RNF213: variants seen among roughly 807,000 people sequenced by gnomAD.
RNF213 encodes ring finger protein 213, also known as E3 ubiquitin-protein ligase RNF213.
In RNF213, 341 loss-of-function variants were observed where a neutral mutation model predicts 514.4. That is an observed-to-expected ratio of 0.66 (90% CI 0.61 to 0.73). The LOEUF (loss-of-function observed/expected upper bound fraction) is 0.73, where lower values mean the gene tolerates loss of function less well. RNF213 is among the 30% of genes least tolerant of loss of function. The probability of loss-of-function intolerance (pLI) is 0.00; values close to 1 mark genes in which losing one functional copy is unlikely to be tolerated. For synonymous variants in RNF213, 2,655 were observed against 2,658.2 expected, an observed-to-expected ratio of 1.00 and a Z score of 0.04; for missense variants, 5,767 against 6,615.6, an observed-to-expected ratio of 0.87 and a Z score of 4.45.
In RNF213 at chr17:80,381,574, G is replaced by A. The variant is rs751523732; in HGVS notation, c.13825G>A (p.Val4609Met). ...QALINIIKPP[V>M]RDPKGFLQQH... ...TCTGATAAACATCATTAAGCCTCCA[G>A]TGAGGGATCCAAAAGGCTTTCTGCA... The change falls in exon 57 of 68, where the codon GTG (valine) becomes ATG (methionine). Residue 4609 changes from valine to methionine, a missense_variant. Val to Met is a conservative substitution (Grantham distance 21). Coordinates refer to ENST00000582970, the MANE Select transcript of RNF213 (RefSeq NM_001256071.3). 19 of 1,614,228 alleles carry A rather than the reference G, an allele frequency of 1.2e-5. No homozygotes were observed. In the South Asian group the frequency reaches 2.0e-4, roughly 17 times the overall value.
intron 11 of RNF213, 177 bp downstream of exon 11, chr17:80,298,695 T>C: frequency 1.4e-6 from 1 of 706,000 alleles, no homozygotes; most frequent in Non-Finnish European, 2.4e-6. Context: ...CTGTGCACAG[T>C]GGCTCACGCC....
intron 26 of RNF213, among the ~76,000 whole-genome samples, chr17:80,342,743 ATTG>A (rs2078195683): frequency 6.9e-6 from 1 of 145,524 alleles, no homozygotes; most frequent in African/African-American, 2.5e-5. Context: ...TTATATATAT[ATTG>A]TATGTATATA....
In RNF213 at chr17:80,343,828, G is replaced by A; in HGVS notation, c.6184-29G>A. 6.2e-7 allele frequency: 1 copy of A among 1,613,818 alleles called. No individual in the cohort carries two copies. The highest frequency in any genetic ancestry group is 8.5e-7 in the Non-Finnish European group (1 of 1,179,802). On this transcript the variant is annotated intron_variant, in intron 27 of 67. Coordinates refer to ENST00000582970, the MANE Select transcript of RNF213 (RefSeq NM_001256071.3). This position sits in a 1 kb window ranked among gnomAD's most constrained non-coding sequence, Gnocchi z 4.3. ...GGGAGAACTCGCCATCGTGTCGTGTGTTTACACCTCGTGCGATTCTGTTCT... is the reference window on the plus strand; with the variant it reads ...GGGAGAACTCGCCATCGTGTCGTGTATTTACACCTCGTGCGATTCTGTTCT...
At chr17:80,269,185 A>G (rs76287106) in intron 2 of RNF213, among the ~76,000 whole-genome samples, 2,887 of 152,204 alleles carry the variant, frequency 0.019, 57 homozygotes, top group East Asian at 0.11. Context: ...CCACCCACAT[A>G]GAGGGTGGGT....
chr17:80,385,667 C>T (rs756838073), intron 61 of RNF213, 46 bp downstream of exon 61: 12 of 1,511,092 alleles, frequency 7.9e-6, no homozygotes, highest in East Asian at 4.5e-5. Flanking sequence ...AGGAGAGCCT[C>T]GTCTGAAAGC....
At chr17:80,261,332 C>T (rs2043410615) in intron 1 of RNF213, among the ~76,000 whole-genome samples, 1 of 152,218 alleles carries the variant, frequency 6.6e-6, no homozygotes, top group South Asian at 2.1e-4. Flanking sequence ...AGTGAAGTTG[C>T]AAAAACAGAC....
intron 67 of RNF213, 95 bp downstream of exon 67, chr17:80,390,291 C>T (rs2080412648): frequency 2.2e-6 from 3 of 1,376,074 alleles, no homozygotes; most frequent in Admixed American, 3.6e-5. Flanking sequence ...CTTTTCTTAC[C>T]ACAGAATCCC....
In RNF213 at chr17:80,346,198, C is replaced by T. The variant is rs758464578; in HGVS notation, c.7863C>T (p.Ala2621=). 6 of 1,614,204 alleles carry T rather than the reference C, an allele frequency of 3.7e-6. No homozygotes were observed. The Admixed American group carries it at 5.0e-5, about 13-fold the overall frequency. The change falls in exon 29 of 68, where the codon GCC becomes GCT. Residue 2621 remains alanine, a synonymous_variant. Coordinates refer to ENST00000582970, the MANE Select transcript of RNF213 (RefSeq NM_001256071.3). The surrounding 1 kb of genome is among the most constrained non-coding windows in gnomAD (Gnocchi z 8.1). ...GCGTGATCACAGAAGTCCTCTGCGC[C>T]TCTCAGGGTTTCATGAGGAAAACAG... The part of the protein sequence containing the change: ...GTRVITEVLC[A]SQGFMRKTED...
intron 2 of RNF213, 37 bp from the exon 3 acceptor site, chr17:80,273,200 TTCTC>T: frequency 6.2e-7 from 1 of 1,612,034 alleles, no homozygotes; most frequent in Non-Finnish European, 8.5e-7. Flanking sequence ...TAACACTCGC[TTCTC>T]TCTGAGATCT....
rs143394069 is a variant in RNF213, at chr17:80,343,984, C to G, written c.6311C>G (p.Thr2104Arg). The change falls in exon 28 of 68, where the codon ACG becomes AGG. Residue 2104 changes from threonine to arginine, a missense_variant. This residue lies in a region of RNF213 where 1,377 missense variants were observed against 1,635.2 expected (regional missense o/e 0.84). Transcript: ENST00000582970. This position sits in a 1 kb window ranked among gnomAD's most constrained non-coding sequence, Gnocchi z 4.3. The stretch of plus-strand genomic sequence containing the variant: ...ATCGTTGAAATCCTGGAAAGGAGGA[C>G]GTCAGTGCCGTCGAGGAGCTCTTCA... ...LYIVEILERR[T>R]SVPSRSSSAL... 2.3e-4 allele frequency: 376 copies of G among 1,614,192 alleles called. 1 individual carries two copies. The highest frequency in any genetic ancestry group is 1.4e-4 in the Non-Finnish European group (168 of 1,180,042).
chr17:80,388,457 TGG>T, intron 63 of RNF213, 153 bp from the exon 64 acceptor site: 1 of 687,826 alleles, frequency 1.5e-6, no homozygotes, highest in South Asian at 1.6e-5. Context: ...CCATAGATGG[TGG>T]GTTAATGACG....
chr17:80,360,039 A>C, intron 37 of RNF213, 22 bp from the exon 38 acceptor site: 1 of 1,613,550 alleles, frequency 6.2e-7, no homozygotes, highest in Non-Finnish European at 8.5e-7. Flanking sequence ...CCCTCTTCTT[A>C]TCATCCCTCA....
chr17:80,315,081 A>G (rs1375127957), intron 15 of RNF213, among the ~76,000 whole-genome samples: 1 of 2,856 alleles, frequency 3.5e-4, no homozygotes, highest in African/African-American at 1.9e-3. Flanking sequence ...GGTGAAGGTG[A>G]TGGTGGAGGT....
At chr17:80,344,656 C>A (rs746653404) in intron 28 of RNF213, 22 bp from the exon 29 acceptor site, 5 of 1,613,706 alleles carry the variant, frequency 3.1e-6, no homozygotes, top group South Asian at 1.1e-5. Flanking sequence ...GTAACCATTT[C>A]ATTAATGTCT....
intron 15 of RNF213, chr17:80,315,701 A>G (rs1311968799): frequency 1.5e-5 from 2 of 129,866 alleles, no homozygotes; most frequent in African/African-American, 3.3e-5. Flanking sequence ...GTGATGGTAG[A>G]GGTAATGGAA....
rs2080348198 is a variant in RNF213 at position 80,388,911 on chromosome 17, G to C, written c.15000+222G>C. 8.0e-6 allele frequency: 5 copies of C among 627,452 alleles called. No individual in the cohort carries two copies. The South Asian group carries it at 9.2e-5, about 12-fold the overall frequency. The allele number at this position is 627,452 out of a possible 1,614,324, so 38.9% of individuals were successfully genotyped here. A position where few individuals can be genotyped will look rare whatever the true frequency, so the allele number is the denominator to read the frequency against. On this transcript the variant is annotated intron_variant, in intron 64 of 67. Coordinates refer to ENST00000582970, the MANE Select transcript of RNF213 (RefSeq NM_001256071.3). ...GGGTTTGATTCTTAGGAATGATGTTGATGCATGGCCATGCCTGCTGAAGCG... is the reference window on the plus strand; with the variant it reads ...GGGTTTGATTCTTAGGAATGATGTTCATGCATGGCCATGCCTGCTGAAGCG...
Position 80,347,975 on chromosome 17 carries a change from C to A in RNF213, c.9640C>A (p.Pro3214Thr). The A allele has an allele frequency of 6.2e-7, 1 of 1,614,048 alleles. No individual in the cohort carries two copies. Among genetic ancestry groups the A allele is most frequent in the South Asian group, 1.1e-5 (1 of 91,082 alleles). The change falls in exon 29 of 68, where the codon CCC (proline) becomes ACC (threonine). Residue 3214 changes from proline to threonine, a missense_variant. By Grantham distance (38) the Pro-to-Thr change is conservative. Coordinates refer to ENST00000582970, the MANE Select transcript of RNF213 (RefSeq NM_001256071.3). This position sits in a 1 kb window ranked among gnomAD's most constrained non-coding sequence, Gnocchi z 7.2. Reference protein sequence around the residue: ...HHFQKRHKYSPSDVFIGYHSD... With the variant: ...HHFQKRHKYSTSDVFIGYHSD... ...TTTCCAGAAGAGGCACAAATACAGC[C>A]CCTCTGACGTCTTCATCGGCTACCA... is the stretch of plus-strand genomic sequence containing the variant.
In RNF213 at chr17:80,353,118, T is replaced by C. The variant is rs1473989217; in HGVS notation, c.10423+59T>C. 6.2e-7 allele frequency: 1 copy of C among 1,602,162 alleles called. No homozygotes were observed. The highest frequency in any genetic ancestry group is 8.5e-7 in the Non-Finnish European group (1 of 1,178,864). ...GTGGTGGAAGGGCAGATGGCAGGTG[T>C]GGAGCGTGGCGTGCACATGGCACTA... On this transcript the variant is annotated intron_variant, in intron 33 of 67. Transcript: ENST00000582970. This position sits in a 1 kb window ranked among gnomAD's most constrained non-coding sequence, Gnocchi z 5.0.
chr17:80,344,818 C>T lies in RNF213; in HGVS notation c.6483C>T (p.Ser2161=), dbSNP rs780765243. 3.0e-5 allele frequency: 49 copies of T among 1,613,974 alleles called. No homozygotes were observed. The highest frequency in any genetic ancestry group is 1.7e-4 in the African/African-American group (13 of 74,872). The change falls in exon 29 of 68, where the codon AGC becomes AGT. Residue 2161 remains serine (S), a synonymous_variant. Transcript: ENST00000582970. Reference sequence around the variant, plus strand: ...GGATGGATCTGTGGGAGTTCTGCAGCGAAACTTTCCAAAGACCTTACCAGT... The same window carrying T: ...GGATGGATCTGTGGGAGTTCTGCAGTGAAACTTTCCAAAGACCTTACCAGT... The part of the protein sequence containing the change: ...EPGMDLWEFC[S]ETFQRPYQYL...
Sources: allele counts gnomAD v4.1 joint callset (sites outside exome capture counted in the v4.1 genomes callset), GRCh38; gene constraint gnomAD v4.1.1; regional missense constraint gnomAD v4.1.1; non-coding constraint Gnocchi (gnomAD v3.1); transcripts MANE v1.5; gene names NCBI Gene and HGNC (gene_info 2026-07-23, HGNC 2026-07-21).